Variants in EIPR1 observed in about 807,000 individuals in gnomAD.
EIPR1 encodes the protein EARP and GARP complex-interacting protein 1.
A neutral mutation model predicts 48.1 loss-of-function variants in EIPR1; 25 were observed. The ratio of observed to expected loss-of-function variants is 0.52; its 90% CI spans 0.38 to 0.73. The LOEUF (loss-of-function observed/expected upper bound fraction) is 0.73. Ranked by LOEUF, EIPR1 falls within the 30% of genes least tolerant of loss-of-function variation. EIPR1 has a pLI of 0.00. For synonymous variants in EIPR1, 204 were observed against 201.9 expected, an observed-to-expected ratio of 1.01 and a Z score of -0.09; for missense variants, 415 against 506.2, an observed-to-expected ratio of 0.82 and a Z score of 1.73.
chr2:3,367,087 AT>A (rs1190134888), intron 1 of EIPR1, among the ~76,000 whole-genome samples: 4 of 145,730 alleles, frequency 2.7e-5, no homozygotes, highest in East Asian at 3.9e-4. Flanking sequence ...ATAAACGAAA[AT>A]AAATTCAACT....
chr2:3,323,093 T>C (rs1340748216), intron 3 of EIPR1, among the ~76,000 whole-genome samples: 1 of 137,788 alleles, frequency 7.3e-6, no homozygotes, highest in Non-Finnish European at 1.5e-5. Context: ...TTACAGTTCC[T>C]CTCTCTGATT....
intron 1 of EIPR1, among the ~76,000 whole-genome samples, chr2:3,365,217 T>G (rs1670944128): frequency 6.6e-6 from 1 of 151,894 alleles, no homozygotes; most frequent in Non-Finnish European, 1.5e-5. Context: ...GCGGAAAGAT[T>G]GCTTGAGCCC....
chr2:3,362,338 G>T (rs1572486010), intron 1 of EIPR1, among the ~76,000 whole-genome samples: 1 of 140,016 alleles, frequency 7.1e-6, no homozygotes, highest in Non-Finnish European at 1.5e-5. Context: ...CTCCCTCCCA[G>T]CCCCACACCC....
chr2:3,324,199 G>A (rs753681885), intron 3 of EIPR1, among the ~76,000 whole-genome samples: 2 of 152,170 alleles, frequency 1.3e-5, no homozygotes, highest in African/African-American at 4.8e-5. Context: ...CTGCACGAGC[G>A]ACATGTGGCA....
chr2:3,249,504 G>A (rs1447472353), intron 4 of EIPR1, among the ~76,000 whole-genome samples: 1 of 152,196 alleles, frequency 6.6e-6, no homozygotes, highest in Non-Finnish European at 1.5e-5. Context: ...TGTTTAGAAG[G>A]GAATCAAAGC....
At chr2:3,236,281 G>T (rs536581899) in intron 4 of EIPR1, among the ~76,000 whole-genome samples, 2 of 152,152 alleles carry the variant, frequency 1.3e-5, no homozygotes, top group Non-Finnish European at 2.9e-5. Flanking sequence ...ATGGGAAACT[G>T]GGCTCAGAGA....
intron 5 of EIPR1, among the ~76,000 whole-genome samples, chr2:3,199,070 CCG>C (rs1175995694): frequency 0.01 from 533 of 52,572 alleles, 112 homozygotes; most frequent in East Asian, 0.023. Context: ...GGCCCCCCCC[CCG>C]CCCCGGGAAT....
At chr2:3,370,941 T>C (rs1228657667) in intron 1 of EIPR1, among the ~76,000 whole-genome samples, 1 of 152,148 alleles carries the variant, frequency 6.6e-6, no homozygotes, top group Non-Finnish European at 1.5e-5. Context: ...AATTGTCAGA[T>C]TCACCAAAGT....
intron 2 of EIPR1, among the ~76,000 whole-genome samples, chr2:3,351,103 T>C (rs1303843439): frequency 5.3e-5 from 8 of 151,572 alleles, no homozygotes; most frequent in Non-Finnish European, 8.8e-5. Flanking sequence ...AGTTGTCAAG[T>C]GATTCTCATG....
chr2:3,207,644 G>A (rs551655108), intron 5 of EIPR1, among the ~76,000 whole-genome samples: 3 of 152,336 alleles, frequency 2.0e-5, no homozygotes, highest in Non-Finnish European at 4.4e-5. Context: ...CCCAGGGTGA[G>A]CAGCTCCTCT....
intron 3 of EIPR1, among the ~76,000 whole-genome samples, chr2:3,335,072 G>A (rs1670003658): frequency 6.6e-6 from 1 of 152,206 alleles, no homozygotes; most frequent in African/African-American, 2.4e-5. Context: ...GGTGGTCCCA[G>A]CGGACAGCCA....
chr2:3,332,912 TAG>T (rs1669941753), intron 3 of EIPR1, among the ~76,000 whole-genome samples: 1 of 152,212 alleles, frequency 6.6e-6, no homozygotes, highest in Admixed American at 6.5e-5. Flanking sequence ...CTTGCATGAA[TAG>T]AGATTTAAGC....
intron 3 of EIPR1, among the ~76,000 whole-genome samples, chr2:3,302,822 C>A (rs1321109280): frequency 6.6e-6 from 1 of 152,132 alleles, no homozygotes. Context: ...TGGCTGAGCT[C>A]GGGGCGCTCC....
intron 3 of EIPR1, among the ~76,000 whole-genome samples, chr2:3,257,910 G>A (rs1667211893): frequency 6.6e-6 from 1 of 152,166 alleles, no homozygotes; most frequent in Non-Finnish European, 1.5e-5. Context: ...ATTCCATTCG[G>A]AAATCCTGTC....
At chr2:3,323,408 G>A (rs879871223) in intron 3 of EIPR1, among the ~76,000 whole-genome samples, 1 of 152,192 alleles carries the variant, frequency 6.6e-6, no homozygotes, top group East Asian at 1.9e-4. Context: ...GGACATCCAT[G>A]CCCTTCATCT....
intron 3 of EIPR1, among the ~76,000 whole-genome samples, chr2:3,329,481 G>A (rs371848195): frequency 6.6e-6 from 1 of 150,824 alleles, no homozygotes; most frequent in Non-Finnish European, 1.5e-5. Context: ...TTCCAGCCAG[G>A]CTCCCCTGAA....
intron 4 of EIPR1, among the ~76,000 whole-genome samples, chr2:3,214,629 G>A (rs1665569908): frequency 6.6e-6 from 1 of 152,114 alleles, no homozygotes; most frequent in African/African-American, 2.4e-5. Context: ...ACCTTAAACA[G>A]GCTCACAACA....
intron 3 of EIPR1, among the ~76,000 whole-genome samples, chr2:3,258,488 T>C (rs1026382912): frequency 7.6e-6 from 1 of 132,238 alleles, no homozygotes; most frequent in Non-Finnish European, 1.6e-5. Flanking sequence ...AAATATTATA[T>C]ATTGCGTTAG....
At chr2:3,220,247 C>T (rs977252895) in intron 4 of EIPR1, among the ~76,000 whole-genome samples, 3 of 152,178 alleles carry the variant, frequency 2.0e-5, no homozygotes, top group Admixed American at 6.5e-5. Flanking sequence ...GGTCATAGAA[C>T]ATTCTAGAGC....
Sources: gnomAD v4.1 joint callset for allele counts (sites outside exome capture counted in the v4.1 genomes callset) on GRCh38, gnomAD v4.1.1 for gene constraint, MANE v1.5 for transcripts, NCBI Gene and HGNC (gene_info 2026-07-23, HGNC 2026-07-21) for gene names.